The following PTPRT variants were observed in gnomAD, a reference collection of about 807,000 sequenced individuals.
The protein encoded by PTPRT is receptor-type tyrosine-protein phosphatase T.
A neutral mutation model predicts 176.8 loss-of-function variants in PTPRT; 56 were observed. That is an observed-to-expected ratio of 0.32 (90% CI 0.26 to 0.40). PTPRT has a LOEUF of 0.40. Among genes scored for constraint, PTPRT ranks in the 10% least tolerant of loss-of-function variants. PTPRT has a pLI of 1.00. For missense variants in PTPRT, 1,540 were observed against 1,908.2 expected (o/e 0.81, Z 3.60); for synonymous variants, 783 against 739.0 (o/e 1.06, Z -0.96).
intron 7 of PTPRT, among the ~76,000 whole-genome samples, chr20:42,652,340 C>T (rs947376119): frequency 6.6e-6 from 1 of 152,152 alleles, no homozygotes; most frequent in Non-Finnish European, 1.5e-5. Context: ...TGAGTACTTA[C>T]TTGCTCAATG....
chr20:42,682,834 C>T (rs930825466), intron 6 of PTPRT, among the ~76,000 whole-genome samples: 2 of 152,202 alleles, frequency 1.3e-5, no homozygotes, highest in Non-Finnish European at 2.9e-5. Context: ...ATCTCCAGAA[C>T]AATTCTGTCT....
At chr20:42,902,953 A>G (rs2079425250) in intron 1 of PTPRT, among the ~76,000 whole-genome samples, 1 of 152,206 alleles carries the variant, frequency 6.6e-6, no homozygotes, top group Admixed American at 6.5e-5. Context: ...TCAGGGATAA[A>G]GCAGTGATTG....
In PTPRT at chr20:42,328,616, CATAAAG is replaced by C. The variant is rs573043612; in HGVS notation, c.1866-12626_1866-12621del. ...ATAAAATCACTCATTTTAAAAGAGT[CATAAAG>C]ATAAACTATAGAATATAAATAGTTT... On this transcript the variant is annotated intron_variant, in intron 11 of 30. Transcript: ENST00000373187. Among the ~76,000 whole-genome samples the C allele has an allele frequency of 3.2e-4, 48 of 152,204 alleles. No homozygotes were observed. The East Asian group carries it at 6.8e-3, about 21-fold the overall frequency.
intron 1 of PTPRT, among the ~76,000 whole-genome samples, chr20:43,102,262 C>G (rs949254649): frequency 5.3e-5 from 8 of 149,980 alleles, no homozygotes; most frequent in Non-Finnish European, 1.0e-4. Flanking sequence ...CTCTCTCTCT[C>G]TCTGTCTCTT....
chr20:42,741,423 C>A (rs1002001054), intron 6 of PTPRT, among the ~76,000 whole-genome samples: 1 of 152,160 alleles, frequency 6.6e-6, no homozygotes, highest in Non-Finnish European at 1.5e-5. Context: ...TGGCTCACTG[C>A]AACCTCTGGC....
chr20:42,513,236 GTGT>G (rs1230837590), intron 7 of PTPRT, among the ~76,000 whole-genome samples: 1 of 149,874 alleles, frequency 6.7e-6, no homozygotes, highest in Non-Finnish European at 1.5e-5. Context: ...GTGTGTGTGT[GTGT>G]TTTCCAGGTG....
chr20:42,847,750 T>C (rs2078399729), intron 2 of PTPRT, among the ~76,000 whole-genome samples: 3 of 152,144 alleles, frequency 2.0e-5, no homozygotes, highest in Non-Finnish European at 4.4e-5. Context: ...GGGCCTACCA[T>C]GTTCACCTTG....
At chr20:42,063,950 T>C in the PTPRT span, 1 of 152,218 alleles carries the variant, frequency 6.6e-6, no homozygotes, top group Non-Finnish European at 1.5e-5. Context: ...ACAATGTATA[T>C]ACTGGATGTA....
intron 1 of PTPRT, among the ~76,000 whole-genome samples, chr20:42,974,875 A>G (rs1444326661): frequency 6.6e-6 from 1 of 152,248 alleles, no homozygotes; most frequent in Non-Finnish European, 1.5e-5. Flanking sequence ...GTTCCAAATC[A>G]GAAATGTACC....
At chr20:43,104,823 T>A in intron 1 of PTPRT, among the ~76,000 whole-genome samples, 1 of 152,202 alleles carries the variant, frequency 6.6e-6, no homozygotes, top group East Asian at 1.9e-4. Context: ...AACATCTACC[T>A]TGCAAGGTTG....
At chr20:43,070,663 A>AT (rs1209826350) in intron 1 of PTPRT, among the ~76,000 whole-genome samples, 3 of 152,192 alleles carry the variant, frequency 2.0e-5, no homozygotes, top group Admixed American at 2.0e-4. Context: ...GGATGAGTTC[A>AT]TGTCCTTTGT....
intron 7 of PTPRT, among the ~76,000 whole-genome samples, chr20:42,621,339 C>G (rs181820061): frequency 9.2e-5 from 14 of 152,190 alleles, no homozygotes; most frequent in African/African-American, 3.4e-4. Flanking sequence ...TCTTTTCCCT[C>G]AAGAACACCC....
chr20:43,031,066 G>A (rs1321478525), intron 1 of PTPRT, among the ~76,000 whole-genome samples: 1 of 152,156 alleles, frequency 6.6e-6, no homozygotes, highest in East Asian at 1.9e-4. Context: ...CTAAACTTTG[G>A]ATGGCCCATC....
chr20:42,668,858 AT>A (rs755121515), intron 7 of PTPRT, among the ~76,000 whole-genome samples: 9,113 of 81,276 alleles, frequency 0.11, 269 homozygotes, highest in African/African-American at 0.18. Flanking sequence ...CGCCCAGCTA[AT>A]TTTTTTTTTT....
chr20:42,134,919 CTG>C (rs1292133541), intron 18 of PTPRT, among the ~76,000 whole-genome samples: 1 of 152,220 alleles, frequency 6.6e-6, no homozygotes, highest in African/African-American at 2.4e-5. Context: ...GCTCTGATAA[CTG>C]TGGTCTTCTT....
chr20:42,290,272 T>C (rs1349611390), intron 12 of PTPRT, among the ~76,000 whole-genome samples: 1 of 152,204 alleles, frequency 6.6e-6, no homozygotes, highest in Non-Finnish European at 1.5e-5. Flanking sequence ...TTCATTTCCT[T>C]ATCATTTTAA....
At position 42,965,201 on chromosome 20, in the gene PTPRT, G is replaced by C. The variant is rs146063657; in HGVS notation, c.89-79269C>G. Among the ~76,000 whole-genome samples the C allele has an allele frequency of 4.8e-3, 737 of 152,220 alleles. 8 individuals carry two copies. The highest frequency in any genetic ancestry group is 0.017 in the African/African-American group (693 of 41,538). On this transcript the variant is annotated intron_variant, in intron 1 of 30. Coordinates refer to ENST00000373187, the MANE Select transcript of PTPRT (RefSeq NM_007050.6). ...TGCTATAAATACTCATATATAAACA[G>C]AGGTGTGATTGCAAATGTTCACAAC...
chr20:42,558,705 C>T lies in PTPRT; in HGVS notation c.1154-86143G>A, dbSNP rs188640854. On this transcript the variant is annotated intron_variant, in intron 7 of 30. Coordinates refer to ENST00000373187, the MANE Select transcript of PTPRT (RefSeq NM_007050.6). ...ACCCAACTCACCCTCATGGATTTTC[C>T]GATTCCCATCAGTACCGGCTTAGAG... Among the ~76,000 whole-genome samples, 4 of 152,158 alleles carry T rather than the reference C, an allele frequency of 2.6e-5. No individual in the cohort carries two copies. In the East Asian group the frequency reaches 5.8e-4, roughly 22 times the overall value.
intron 1 of PTPRT, among the ~76,000 whole-genome samples, chr20:43,092,540 G>C (rs2011924072): frequency 6.6e-6 from 1 of 152,174 alleles, no homozygotes; most frequent in African/African-American, 2.4e-5. Context: ...AAATGTTTTT[G>C]GCTCTCAGCT....
Sources: allele counts gnomAD v4.1 joint callset (sites outside exome capture counted in the v4.1 genomes callset), GRCh38; gene constraint gnomAD v4.1.1; transcripts MANE v1.5; gene names NCBI Gene and HGNC (gene_info 2026-07-23, HGNC 2026-07-21).